COL25A1: variants seen among roughly 807,000 people sequenced by gnomAD.
COL25A1 encodes collagen type XXV alpha 1 chain, also known as collagen alpha-1(XXV) chain.
In COL25A1, 103 loss-of-function variants were observed where a neutral mutation model predicts 128.4. The ratio of observed to expected loss-of-function variants is 0.80; its 90% CI spans 0.68 to 0.94. The LOEUF (loss-of-function observed/expected upper bound fraction) is 0.94, where lower values mean the gene tolerates loss of function less well. Ranked by LOEUF, COL25A1 falls within the 40% of genes least tolerant of loss-of-function variation. The pLI, the probability that COL25A1 is intolerant of heterozygous loss-of-function variation, is 0.00. For missense variants in COL25A1, 745 were observed against 840.0 expected (o/e 0.89, Z 1.40); for synonymous variants, 279 against 277.2 (o/e 1.01, Z -0.06).
At chr4:109,268,502 G>A (rs544319142) in intron 3 of COL25A1, among the ~76,000 whole-genome samples, 17 of 152,216 alleles carry the variant, frequency 1.1e-4, no homozygotes, top group African/African-American at 4.1e-4. Context: ...TTTGGCTTAG[G>A]GGTGGGTAGG....
chr4:108,906,960 A>T (rs1743604879), intron 13 of COL25A1, among the ~76,000 whole-genome samples: 1 of 152,236 alleles, frequency 6.6e-6, no homozygotes, highest in African/African-American at 2.4e-5. Flanking sequence ...AGGCTGCCCA[A>T]CTGGGAGCTT....
chr4:108,979,556 T>G (rs967805241), intron 6 of COL25A1, among the ~76,000 whole-genome samples: 22 of 152,252 alleles, frequency 1.4e-4, no homozygotes, highest in Admixed American at 1.0e-3. Flanking sequence ...TAAATTCTGC[T>G]TGGGGTAGAA....
intron 3 of COL25A1, among the ~76,000 whole-genome samples, chr4:109,257,323 C>G (rs1781146496): frequency 6.6e-6 from 1 of 152,120 alleles, no homozygotes; most frequent in Admixed American, 6.6e-5. Flanking sequence ...TAGTTCTTAT[C>G]TTATATTTTT....
At position 109,196,198 on chromosome 4, in the gene COL25A1, T is replaced by C. The variant is rs148731343; in HGVS notation, c.367+104385A>G. On this transcript the variant is annotated intron_variant, in intron 3 of 37. Coordinates refer to ENST00000399132, the MANE Select transcript of COL25A1 (RefSeq NM_198721.4). Reference sequence around the variant, plus strand: ...GAGACGAGACCTCAGGCAATCACCATTGCAGTGTTGAAAGGAAATGCAATC... The same window carrying C: ...GAGACGAGACCTCAGGCAATCACCACTGCAGTGTTGAAAGGAAATGCAATC... 7.2e-3 allele frequency among the ~76,000 whole-genome samples: 1,090 copies of C among 152,296 alleles called. 16 individuals carry two copies. Among genetic ancestry groups the C allele is most frequent in the African/African-American group, 0.024 (1,002 of 41,558 alleles).
chr4:109,256,707 T>C (rs1781111846), intron 3 of COL25A1, among the ~76,000 whole-genome samples: 1 of 152,178 alleles, frequency 6.6e-6, no homozygotes, highest in African/African-American at 2.4e-5. Context: ...AGTTGACCTC[T>C]GACTTGCCAC....
chr4:109,081,048 G>A (rs978934926), intron 3 of COL25A1, among the ~76,000 whole-genome samples: 1 of 152,102 alleles, frequency 6.6e-6, no homozygotes, highest in Non-Finnish European at 1.5e-5. Flanking sequence ...TGGCGAGTAG[G>A]GTCACTGGGA....
At chr4:108,873,870 G>A (rs1026460847) in intron 19 of COL25A1, among the ~76,000 whole-genome samples, 1 of 151,788 alleles carries the variant, frequency 6.6e-6, no homozygotes, top group South Asian at 2.1e-4. Flanking sequence ...CTTCAAAGAC[G>A]GAAAGAAGAA....
At chr4:109,229,212 C>CA (rs1344800893) in intron 3 of COL25A1, among the ~76,000 whole-genome samples, 7 of 152,168 alleles carry the variant, frequency 4.6e-5, no homozygotes, top group Admixed American at 3.9e-4. Flanking sequence ...ATTCCAGAGG[C>CA]ATTTTGTCAC....
intron 3 of COL25A1, among the ~76,000 whole-genome samples, chr4:109,217,603 A>T (rs941195619): frequency 2.0e-4 from 30 of 152,196 alleles, no homozygotes; most frequent in Admixed American, 1.8e-3. Context: ...GACAAGCCAG[A>T]TATCTAGTTA....
In COL25A1 at chr4:109,278,377, G is replaced by A. The variant is rs140161462; in HGVS notation, c.367+22206C>T. On this transcript the variant is annotated intron_variant, in intron 3 of 37. Transcript: ENST00000399132. ...ATCTTACAAAAAGAAATATTTGGCAGTTTCATCAAAGAAAAAGCCTGGATG... is the reference window on the plus strand; with the variant it reads ...ATCTTACAAAAAGAAATATTTGGCAATTTCATCAAAGAAAAAGCCTGGATG... Among the ~76,000 whole-genome samples the A allele has an allele frequency of 6.9e-4, 105 of 152,244 alleles. 1 individual carries two copies. The highest frequency in any genetic ancestry group is 2.3e-3 in the African/African-American group (96 of 41,558).
chr4:108,899,703 T>C (rs756396339), intron 14 of COL25A1, among the ~76,000 whole-genome samples: 1 of 152,134 alleles, frequency 6.6e-6, no homozygotes, highest in East Asian at 1.9e-4. Context: ...TACAATGTCA[T>C]AAACTCTCTT....
At chr4:109,083,875 C>G (rs1481727421) in intron 3 of COL25A1, among the ~76,000 whole-genome samples, 1 of 152,152 alleles carries the variant, frequency 6.6e-6, no homozygotes, top group Non-Finnish European at 1.5e-5. Context: ...TAGCTTTTAT[C>G]TCCCTAGTTT....
intron 3 of COL25A1, among the ~76,000 whole-genome samples, chr4:109,269,236 T>C (rs1040484104): frequency 4.0e-5 from 6 of 151,704 alleles, no homozygotes; most frequent in African/African-American, 1.5e-4. Context: ...TCCAATTTCA[T>C]CCATGTCCCT....
chr4:109,275,381 AAAAAG>A (rs1338608524), intron 3 of COL25A1, among the ~76,000 whole-genome samples: 96 of 152,252 alleles, frequency 6.3e-4, no homozygotes, highest in African/African-American at 2.2e-3. Flanking sequence ...TATGTGACAT[AAAAAG>A]TTCATCTCTA....
chr4:108,984,798 C>T (rs1218318625), intron 6 of COL25A1, among the ~76,000 whole-genome samples: 1 of 152,240 alleles, frequency 6.6e-6, no homozygotes, highest in East Asian at 1.9e-4. Context: ...AAAGGGGCTC[C>T]CATAGTGCAG....
chr4:108,817,411 C>A lies in COL25A1; in HGVS notation c.1948G>T (p.Gly650Cys). 6.2e-7 allele frequency: 1 copy of A among 1,613,308 alleles called. No homozygotes were observed. The highest frequency in any genetic ancestry group is 1.1e-5 in the South Asian group (1 of 91,026). The change falls in exon 37 of 38, where the codon GGC becomes TGC. Residue 650 changes from glycine (G) to cysteine (C), a missense_variant. Coordinates refer to ENST00000399132, the MANE Select transcript of COL25A1 (RefSeq NM_198721.4). ...GTAAAGCCTACCTTTTGCCAACAGC[C>A]AGGCATGGGTAAGCCATCTGGCCCC... ...QLGPDGLPMPGCWQK is the reference protein window; with the variant it reads ...QLGPDGLPMPCCWQK
intron 5 of COL25A1, among the ~76,000 whole-genome samples, chr4:109,019,375 C>CATATATATAGATATATATATATAT (rs1757511923): frequency 2.0e-5 from 1 of 48,890 alleles, no homozygotes; most frequent in Non-Finnish European, 3.4e-5. Context: ...CACACACACA[C>CATATATATAGATATATATATATAT]ATATATATAT....
intron 6 of COL25A1, among the ~76,000 whole-genome samples, chr4:108,976,739 A>G (rs1184813437): frequency 6.6e-6 from 1 of 152,166 alleles, no homozygotes; most frequent in Non-Finnish European, 1.5e-5. Context: ...CTTCCAAAAC[A>G]TTTCCTTTTG....
intron 24 of COL25A1, among the ~76,000 whole-genome samples, chr4:108,853,382 G>C (rs1037693877): frequency 3.4e-5 from 2 of 57,976 alleles, no homozygotes; most frequent in Admixed American, 4.1e-4. Flanking sequence ...GTGTTTGTGC[G>C]TGTGTGTGTG....
Sources: allele counts gnomAD v4.1 joint callset (sites outside exome capture counted in the v4.1 genomes callset), GRCh38; gene constraint gnomAD v4.1.1; transcripts MANE v1.5; gene names NCBI Gene and HGNC (gene_info 2026-07-23, HGNC 2026-07-21).